Variants in COL22A1 observed in about 807,000 individuals in gnomAD.
COL22A1 encodes collagen alpha-1(XXII) chain.
Under a neutral mutation model 248.9 loss-of-function variants are expected in COL22A1, and 221 were observed. The ratio of observed to expected loss-of-function variants is 0.89; its 90% CI spans 0.80 to 0.99. The LOEUF (loss-of-function observed/expected upper bound fraction) is 0.99. Among genes scored for constraint, COL22A1 ranks in the 50% least tolerant of loss-of-function variants. The pLI is 0.00. For synonymous variants in COL22A1, 891 were observed against 793.4 expected (o/e 1.12, Z -2.07); for missense variants, 2,240 against 2,179.0 (o/e 1.03, Z -0.56).
chr8:138,830,034 A>C (rs186402355), intron 5 of COL22A1, among the ~76,000 whole-genome samples: 1 of 152,346 alleles, frequency 6.6e-6, no homozygotes, highest in Admixed American at 6.5e-5. Flanking sequence ...CAGTCATTTT[A>C]ATCAGGGAGA....
In COL22A1 at chr8:138,883,089, C is replaced by T. The variant is rs35544062; in HGVS notation, c.84G>A (p.Gln28=). 9.5e-6 allele frequency: 15 copies of T among 1,582,986 alleles called. No homozygotes were observed. In the African/African-American group the frequency reaches 1.7e-4, roughly 18 times the overall value. The change falls in exon 2 of 65, where the codon CAG becomes CAA. Residue 28 remains glutamine, a synonymous_variant. Transcript: ENST00000303045. Reference sequence around the variant, plus strand: ...AGCCCACGGTGGCCCCACCTGCCCGCTGAGCCTGGCAGCCGCCGCCCCCAC... The same window carrying T: ...AGCCCACGGTGGCCCCACCTGCCCGTTGAGCCTGGCAGCCGCCGCCCCCAC... ...LWSGGGGCQA[Q]RAGCKSVHYD... is the part of the protein sequence containing the mutation.
chr8:138,670,901 C>A (rs11990354), intron 41 of COL22A1, among the ~76,000 whole-genome samples: 8,826 of 131,144 alleles, frequency 0.067, 617 homozygotes, highest in African/African-American at 0.19. Context: ...GTTAAGGCTG[C>A]AGTGAGCCAT....
At chr8:138,657,158 G>A (rs1250469578) in intron 44 of COL22A1, among the ~76,000 whole-genome samples, 3 of 152,190 alleles carry the variant, frequency 2.0e-5, no homozygotes, top group African/African-American at 4.8e-5. Flanking sequence ...GGAATTATCC[G>A]CACTGCAGTG....
intron 12 of COL22A1, among the ~76,000 whole-genome samples, chr8:138,795,243 G>A (rs144582105): frequency 1.2e-3 from 190 of 152,326 alleles, no homozygotes; most frequent in African/African-American, 3.9e-3. Context: ...CAGAGCCAGA[G>A]AGTGGCGGAA....
intron 46 of COL22A1, 50 bp downstream of exon 46, chr8:138,649,615 T>A: frequency 1.9e-6 from 3 of 1,576,718 alleles, no homozygotes; most frequent in East Asian, 2.3e-5. Flanking sequence ...ATCTCCAGAA[T>A]GATATTTTCA....
chr8:138,709,248 G>A (rs1002939820), intron 30 of COL22A1, among the ~76,000 whole-genome samples: 3 of 152,124 alleles, frequency 2.0e-5, no homozygotes, highest in African/African-American at 7.2e-5. Context: ...CAAGGATCTA[G>A]AACTAGAAAT....
At chr8:138,716,891 C>G (rs550279349) in intron 27 of COL22A1, 22 bp from the exon 28 acceptor site, 2 of 1,587,374 alleles carry the variant, frequency 1.3e-6, no homozygotes, top group African/African-American at 1.3e-5. Context: ...ATAAAACATA[C>G]CCCATTATTC....
chr8:138,613,365 C>T (rs955793264), intron 56 of COL22A1, among the ~76,000 whole-genome samples: 31 of 152,112 alleles, frequency 2.0e-4, no homozygotes, highest in African/African-American at 7.0e-4. Context: ...GGAACGCCCT[C>T]GAGAGCCAGC....
At chr8:138,834,347 GAAA>G (rs71316365) in intron 4 of COL22A1, among the ~76,000 whole-genome samples, 41 of 128,640 alleles carry the variant, frequency 3.2e-4, no homozygotes, top group Admixed American at 1.3e-3. Flanking sequence ...AAGAGAAAAA[GAAA>G]AAAAAAAAAA....
At chr8:138,637,880 C>T (rs187568856) in intron 47 of COL22A1, among the ~76,000 whole-genome samples, 374 of 150,412 alleles carry the variant, frequency 2.5e-3, no homozygotes, top group Non-Finnish European at 4.2e-3. Flanking sequence ...ACCATCATCA[C>T]CATAATCACT....
chr8:138,904,149 C>T (rs1018797493), intron 1 of COL22A1, among the ~76,000 whole-genome samples: 4 of 152,086 alleles, frequency 2.6e-5, no homozygotes, highest in African/African-American at 9.7e-5. Flanking sequence ...CAGCAGACAC[C>T]GCCACCTCAT....
In COL22A1 at chr8:138,688,665, C is replaced by G. The variant is rs538075711; in HGVS notation, c.2862+252G>C. Reference sequence around the variant, plus strand: ...TCTGTAGCTTATTTGCTATGAGACACAGAGCAAACTAATTAACTTCTCAGA... The same window carrying G: ...TCTGTAGCTTATTTGCTATGAGACAGAGAGCAAACTAATTAACTTCTCAGA... On this transcript the variant is annotated intron_variant, in intron 37 of 64. Coordinates refer to ENST00000303045, the MANE Select transcript of COL22A1 (RefSeq NM_152888.3). Among the ~76,000 whole-genome samples, 53 of 152,224 alleles carry G rather than the reference C, an allele frequency of 3.5e-4. 1 individual carries two copies. The highest frequency in any genetic ancestry group is 6.2e-4 in the Non-Finnish European group (42 of 68,030).
rs149417536 is a variant in COL22A1, at chr8:138,603,609, G to T, written c.4140+1125C>A. Among the ~76,000 whole-genome samples, 853 of 152,154 alleles carry T rather than the reference G, an allele frequency of 5.6e-3. 6 individuals are homozygous for T. The highest frequency in any genetic ancestry group is 0.02 in the African/African-American group (811 of 41,520). ...CAGCAGCCCAAGTACAAGCACATGGGGCTGACGCAGCCCTCAGAAATGGGA... is the reference window on the plus strand; with the variant it reads ...CAGCAGCCCAAGTACAAGCACATGGTGCTGACGCAGCCCTCAGAAATGGGA... On this transcript the variant is annotated intron_variant, in intron 59 of 64. Transcript: ENST00000303045.
At chr8:138,907,704 G>A (rs540735066) in intron 1 of COL22A1, among the ~76,000 whole-genome samples, 40 of 152,264 alleles carry the variant, frequency 2.6e-4, no homozygotes, top group Middle Eastern at 3.4e-3. Context: ...GCCTCACAGC[G>A]CTACAGGCTG....
intron 12 of COL22A1, among the ~76,000 whole-genome samples, chr8:138,794,964 T>A (rs1478892346): frequency 6.6e-6 from 1 of 152,122 alleles, no homozygotes; most frequent in Non-Finnish European, 1.5e-5. Flanking sequence ...GCAAAACGAA[T>A]GCATTCTAGG....
chr8:138,741,916 G>C (rs1348270790), intron 22 of COL22A1, among the ~76,000 whole-genome samples: 4 of 152,066 alleles, frequency 2.6e-5, no homozygotes, highest in African/African-American at 7.3e-5. Context: ...TGATGGAGTT[G>C]ATGGTGATGG....
chr8:138,599,267 G>A (rs967867297), intron 60 of COL22A1, among the ~76,000 whole-genome samples: 10 of 152,058 alleles, frequency 6.6e-5, no homozygotes, highest in African/African-American at 2.2e-4. Flanking sequence ...ACGAGGTCAG[G>A]AGATCGAGAC....
At chr8:138,807,747 C>T (rs770940880) in intron 10 of COL22A1, 21 bp downstream of exon 10, 1 of 1,612,616 alleles carries the variant, frequency 6.2e-7, no homozygotes, top group South Asian at 1.1e-5. Context: ...TAAACTACAC[C>T]TCTGCCATGC....
At chr8:138,763,674 C>G (rs1208582099) in intron 16 of COL22A1, among the ~76,000 whole-genome samples, 1 of 152,166 alleles carries the variant, frequency 6.6e-6, no homozygotes, top group African/African-American at 2.4e-5. Flanking sequence ...GCAGCTGCGG[C>G]TTCCTTCATC....
Sources: allele counts gnomAD v4.1 joint callset (sites outside exome capture counted in the v4.1 genomes callset), GRCh38; gene constraint gnomAD v4.1.1; transcripts MANE v1.5; gene names NCBI Gene and HGNC (gene_info 2026-07-23, HGNC 2026-07-21).